Variants in TRIQK observed in about 807,000 individuals in gnomAD.
The protein encoded by TRIQK is triple QxxK/R motif containing, also known as triple QxxK/R motif-containing protein.
A neutral mutation model predicts 10.8 loss-of-function variants in TRIQK; 10 were observed. That is an observed-to-expected ratio of 0.92 (90% CI 0.57 to 1.57). The LOEUF is 1.57. Among genes scored for constraint, TRIQK ranks in the 40% most tolerant of loss-of-function variants. The probability of loss-of-function intolerance (pLI) is 0.00; values close to 1 mark genes in which losing one functional copy is unlikely to be tolerated. For synonymous variants in TRIQK, 33 were observed against 33.7 expected, an observed-to-expected ratio of 0.98 and a Z score of 0.07; for missense variants, 107 against 97.7, an observed-to-expected ratio of 1.09 and a Z score of -0.40.
At chr8:92,958,543 AT>A (rs1812290385) in intron 1 of TRIQK, among the ~76,000 whole-genome samples, 3 of 152,164 alleles carry the variant, frequency 2.0e-5, no homozygotes, top group Admixed American at 1.3e-4. Flanking sequence ...AAATATTTAC[AT>A]GAATTTTGTT....
At chr8:92,947,420 TA>T (rs1327509881) in intron 2 of TRIQK, among the ~76,000 whole-genome samples, 1 of 151,512 alleles carries the variant, frequency 6.6e-6, no homozygotes, top group Non-Finnish European at 1.5e-5. Context: ...CTGTCTCTAC[TA>T]AAAATACAAA....
intron 4 of TRIQK, among the ~76,000 whole-genome samples, chr8:92,890,842 A>T (rs922461893): frequency 6.6e-6 from 1 of 151,968 alleles, no homozygotes; most frequent in Non-Finnish European, 1.5e-5. Context: ...ATGATCACCA[A>T]GTAGCCAAAT....
intron 3 of TRIQK, among the ~76,000 whole-genome samples, chr8:92,899,979 G>T (rs1303589476): frequency 6.6e-6 from 1 of 152,016 alleles, no homozygotes; most frequent in Non-Finnish European, 1.5e-5. Flanking sequence ...TTGTATTTTT[G>T]ATTTTCATTT....
At chr8:93,013,104 G>C (rs937493170) in intron 1 of TRIQK, among the ~76,000 whole-genome samples, 3 of 152,276 alleles carry the variant, frequency 2.0e-5, no homozygotes, top group African/African-American at 7.2e-5. Context: ...GGTATACAAT[G>C]AGAAGGTTTC....
At chr8:92,985,610 T>C (rs892012948) in intron 1 of TRIQK, among the ~76,000 whole-genome samples, 1 of 152,190 alleles carries the variant, frequency 6.6e-6, no homozygotes, top group Non-Finnish European at 1.5e-5. Context: ...TGTTTGTACA[T>C]AGCTGACATG....
intron 2 of TRIQK, among the ~76,000 whole-genome samples, chr8:92,933,098 AG>A (rs1810816416): frequency 1.3e-5 from 2 of 152,046 alleles, no homozygotes; most frequent in Admixed American, 1.3e-4. Flanking sequence ...AGGCCTTCTA[AG>A]GAGAGAGAGC....
At chr8:92,989,672 T>C (rs570045616) in intron 1 of TRIQK, among the ~76,000 whole-genome samples, 1 of 152,322 alleles carries the variant, frequency 6.6e-6, no homozygotes, top group East Asian at 1.9e-4. Flanking sequence ...TATTTCATTA[T>C]ATATTACAGT....
At chr8:92,982,894 G>A (rs1483770940) in intron 1 of TRIQK, among the ~76,000 whole-genome samples, 1 of 151,850 alleles carries the variant, frequency 6.6e-6, no homozygotes, top group Non-Finnish European at 1.5e-5. Flanking sequence ...GAAGAGTGTC[G>A]GGTCCTTGCT....
chr8:92,986,512 C>T (rs1329317065), intron 1 of TRIQK, among the ~76,000 whole-genome samples: 1 of 152,002 alleles, frequency 6.6e-6, no homozygotes, highest in East Asian at 1.9e-4. Flanking sequence ...CTTAATTTAC[C>T]ATGAGAATTT....
chr8:92,994,226 C>G (rs983011775), intron 1 of TRIQK, among the ~76,000 whole-genome samples: 1 of 152,120 alleles, frequency 6.6e-6, no homozygotes, highest in Non-Finnish European at 1.5e-5. Flanking sequence ...ATGCCTTTTA[C>G]TATCACATAG....
chr8:92,952,030 A>G (rs1008162898), intron 2 of TRIQK, among the ~76,000 whole-genome samples: 2 of 152,034 alleles, frequency 1.3e-5, no homozygotes, highest in African/African-American at 4.8e-5. Flanking sequence ...CCTTTTACCC[A>G]GTACATCATA....
At chr8:93,005,703 G>A (rs1214209080) in intron 1 of TRIQK, among the ~76,000 whole-genome samples, 1 of 152,006 alleles carries the variant, frequency 6.6e-6, no homozygotes, top group East Asian at 1.9e-4. Context: ...AAATTGAAAG[G>A]TTTTTCTCTA....
At chr8:92,997,282 G>A (rs1211272606) in intron 1 of TRIQK, among the ~76,000 whole-genome samples, 2 of 151,974 alleles carry the variant, frequency 1.3e-5, no homozygotes, top group Non-Finnish European at 2.9e-5. Context: ...AAGGAAATAA[G>A]TACTTTAGGA....
intron 3 of TRIQK, among the ~76,000 whole-genome samples, chr8:92,897,319 T>C (rs1047984427): frequency 6.6e-6 from 1 of 152,194 alleles, no homozygotes; most frequent in South Asian, 2.1e-4. Flanking sequence ...TATTTTGCAT[T>C]GTAAGAAGGA....
At chr8:92,926,312 C>T (rs1291577833) in intron 2 of TRIQK, 3 of 152,092 alleles carry the variant, frequency 2.0e-5, no homozygotes, top group Non-Finnish European at 4.4e-5. Context: ...ATGGTGACCT[C>T]TACTCCCTTG....
intron 1 of TRIQK, among the ~76,000 whole-genome samples, chr8:93,001,539 T>C (rs1248199597): frequency 6.6e-6 from 1 of 151,956 alleles, no homozygotes; most frequent in East Asian, 1.9e-4. Flanking sequence ...AAGAAGACAA[T>C]GAAGGTCACT....
chr8:92,983,148 G>T (rs1813001949), intron 1 of TRIQK, among the ~76,000 whole-genome samples: 1 of 151,984 alleles, frequency 6.6e-6, no homozygotes, highest in African/African-American at 2.4e-5. Context: ...TACTCTAGAA[G>T]TGCTGGACTA....
chr8:92,965,788 T>C (rs553425472), intron 1 of TRIQK: 1 of 152,454 alleles, frequency 6.6e-6, no homozygotes, highest in Non-Finnish European at 1.5e-5. Context: ...CGGGAACGGG[T>C]CCTTCAGTGA....
Position 92,927,661 on chromosome 8 carries a change from G to T in TRIQK, c.-21-10651C>A, listed in dbSNP as rs76075943. Among the ~76,000 whole-genome samples, 416 of 152,244 alleles carry T rather than the reference G, an allele frequency of 2.7e-3. 1 individual carries two copies. Among genetic ancestry groups the T allele is most frequent in the Non-Finnish European group, 4.3e-3 (293 of 68,014 alleles). On this transcript the variant is annotated intron_variant, in intron 2 of 4. Coordinates refer to ENST00000521988, the MANE Select transcript of TRIQK (RefSeq NM_001171797.2). ...ACTGAAAGACCAGGATAATGCATAT[G>T]TCATACATGTGAATCATGAGGGTAC...
Sources: gnomAD v4.1 joint callset for allele counts (sites outside exome capture counted in the v4.1 genomes callset) on GRCh38, gnomAD v4.1.1 for gene constraint, MANE v1.5 for transcripts, NCBI Gene and HGNC (gene_info 2026-07-23, HGNC 2026-07-21) for gene names.